Variants in CYFIP1 observed in about 807,000 individuals in gnomAD.
The protein encoded by CYFIP1 is cytoplasmic FMR1 interacting protein 1, also known as cytoplasmic FMR1-interacting protein 1.
CYFIP1 carries 58 observed loss-of-function variants against 163.5 expected under a neutral mutation model. The ratio of observed to expected loss-of-function variants is 0.35; its 90% CI spans 0.29 to 0.44. CYFIP1 has a LOEUF of 0.44. CYFIP1 is among the 20% of genes least tolerant of loss of function. CYFIP1 has a pLI of 1.00. For synonymous variants in CYFIP1, 663 were observed against 660.7 expected (o/e 1.00, Z -0.05); for missense variants, 1,338 against 1,653.8 (o/e 0.81, Z 3.31).
At position 22,872,293 on chromosome 15, in the gene CYFIP1, CAAAA is replaced by C. The variant is rs11327088; in HGVS notation, c.3597+528_3597+531del. ...CTGAGCAACAAGAGCGAAACTGTCT[CAAAA>C]AAAAAAAAAAAAAGAAAGAAAAAAG... On this transcript the variant is annotated intron_variant, in intron 30 of 30. Transcript: ENST00000617928. Among the ~76,000 whole-genome samples the C allele has an allele frequency of 9.4e-3, 1,049 of 111,404 alleles. 8 individuals carry two copies. The highest frequency in any genetic ancestry group is 0.027 in the South Asian group (93 of 3,416). 73.1% of individuals were successfully genotyped at this position (111,404 alleles called of 152,430 possible).
At chr15:22,922,220 A>G (rs2061210216) in intron 13 of CYFIP1, among the ~76,000 whole-genome samples, 1 of 152,136 alleles carries the variant, frequency 6.6e-6, no homozygotes, top group Admixed American at 6.5e-5. Context: ...CAGTCTGATC[A>G]GTCTCTGCTA....
chr15:22,963,377 C>A (rs1235680868), intron 1 of CYFIP1, among the ~76,000 whole-genome samples: 1 of 152,084 alleles, frequency 6.6e-6, no homozygotes, highest in Non-Finnish European at 1.5e-5. Flanking sequence ...GTAGTCCCAG[C>A]TACTCAAGAG....
At chr15:22,893,321 C>T (rs755301794) in intron 22 of CYFIP1, among the ~76,000 whole-genome samples, 4 of 152,036 alleles carry the variant, frequency 2.6e-5, no homozygotes, top group African/African-American at 4.8e-5. Flanking sequence ...GTGACGAGAA[C>T]GGCGACGCCC....
chr15:22,907,342 A>AGTGTTG (rs2060619262), intron 21 of CYFIP1, among the ~76,000 whole-genome samples: 3 of 152,068 alleles, frequency 2.0e-5, no homozygotes, highest in South Asian at 2.1e-4. Context: ...CAGGGGTGCC[A>AGTGTTG]GCGTTGGCAC....
chr15:22,883,918 G>A (rs1432043223), intron 23 of CYFIP1, among the ~76,000 whole-genome samples: 1 of 151,768 alleles, frequency 6.6e-6, no homozygotes, highest in East Asian at 1.9e-4. Flanking sequence ...TAAAGGGGAA[G>A]CAAGCACCTT....
chr15:22,872,304 AAAAAAAG>A (rs1225558137), intron 30 of CYFIP1, among the ~76,000 whole-genome samples: 6 of 151,960 alleles, frequency 3.9e-5, no homozygotes, highest in African/African-American at 1.2e-4. Context: ...AAAAAAAAAA[AAAAAAAG>A]AAAGAAAAAA....
At chr15:22,972,658 A>T (rs1406574910) in intron 1 of CYFIP1, among the ~76,000 whole-genome samples, 1 of 152,214 alleles carries the variant, frequency 6.6e-6, no homozygotes, top group East Asian at 1.9e-4. Flanking sequence ...ACACACATAC[A>T]GAAAAATAAT....
chr15:22,888,830 C>CA (rs2059992190), intron 23 of CYFIP1, among the ~76,000 whole-genome samples: 1 of 151,976 alleles, frequency 6.6e-6, no homozygotes, highest in South Asian at 2.1e-4. Context: ...CATTTGAGGT[C>CA]AGGAGTTCGA....
At position 22,880,139 on chromosome 15, in the gene CYFIP1, C is replaced by T. The variant is rs187272935; in HGVS notation, c.2912-96G>A. 6.3e-4 allele frequency: 955 copies of T among 1,519,534 alleles called. 5 individuals are homozygous for T. The African/African-American group carries it at 0.012, about 18-fold the overall frequency. 94.1% of individuals were successfully genotyped at this position (1,519,534 alleles called of 1,614,324 possible). ...CCAGGAGCACCTGCCGTTCTGACAC[C>T]GCCATCAAGCCTGGCTATAAGGACA... On this transcript the variant is annotated intron_variant, in intron 25 of 30. Transcript: ENST00000617928.
intron 17 of CYFIP1, among the ~76,000 whole-genome samples, chr15:22,913,278 C>T (rs2060843820): frequency 6.6e-6 from 1 of 151,304 alleles, no homozygotes. Context: ...CCTGTAATCC[C>T]AGCACTTTGG....
intron 23 of CYFIP1, among the ~76,000 whole-genome samples, chr15:22,890,482 C>T (rs1210413342): frequency 6.6e-6 from 1 of 152,154 alleles, no homozygotes; most frequent in Non-Finnish European, 1.5e-5. Context: ...CCCCACCCTG[C>T]CCCACAGAGG....
At chr15:22,922,097 G>A (rs1391986922) in intron 13 of CYFIP1, among the ~76,000 whole-genome samples, 2 of 152,118 alleles carry the variant, frequency 1.3e-5, no homozygotes, top group Admixed American at 1.3e-4. Context: ...CCCAAGAAAG[G>A]CCCATCTTCA....
At chr15:22,874,725 AC>A in intron 27 of CYFIP1, 81 bp from the exon 28 acceptor site, 1 of 953,842 alleles carries the variant, frequency 1.0e-6, no homozygotes, top group Non-Finnish European at 1.5e-6. Context: ...TGTTTAAAAA[AC>A]AAAAGATTTT....
At position 22,893,328 on chromosome 15, in the gene CYFIP1, G is replaced by A. The variant is rs554231786; in HGVS notation, c.2589-351C>T. 4.6e-5 allele frequency among the ~76,000 whole-genome samples: 7 copies of A among 152,132 alleles called. No individual in the cohort carries two copies. In the East Asian group the frequency reaches 1.4e-3, roughly 29 times the overall value. On this transcript the variant is annotated intron_variant, in intron 22 of 30. Coordinates refer to ENST00000617928, the MANE Select transcript of CYFIP1 (RefSeq NM_014608.6). Reference sequence around the variant, plus strand: ...AGCTGCCTGTGACGAGAACGGCGACGCCCCGGTGGTTCAGATCACAAGTTA... The same window carrying A: ...AGCTGCCTGTGACGAGAACGGCGACACCCCGGTGGTTCAGATCACAAGTTA...
Position 22,879,898 on chromosome 15 carries a change from T to A in CYFIP1, c.3042+15A>T, listed in dbSNP as rs3751568. The A allele has an allele frequency of 1.5e-4, 245 of 1,603,950 alleles. 1 individual carries two copies. The African/African-American group carries it at 3.0e-3, about 20-fold the overall frequency. ...GGGCTGGGGCGGGGAGGGGCGGCGT[T>A]GGGGGGCCACTCACCAGGCTCTGCT... On this transcript the variant is annotated intron_variant, in intron 26 of 30. Coordinates refer to ENST00000617928, the MANE Select transcript of CYFIP1 (RefSeq NM_014608.6).
intron 12 of CYFIP1, among the ~76,000 whole-genome samples, chr15:22,927,105 G>C (rs2093341603): frequency 6.6e-6 from 1 of 152,064 alleles, no homozygotes; most frequent in Non-Finnish European, 1.5e-5. Flanking sequence ...GGAAGGCCCA[G>C]GCAGGCAGAT....
intron 22 of CYFIP1, among the ~76,000 whole-genome samples, chr15:22,897,004 G>A (rs1034269512): frequency 6.6e-6 from 1 of 152,140 alleles, no homozygotes; most frequent in Non-Finnish European, 1.5e-5. Context: ...CCTGAGGTCA[G>A]GAGTTTGAGA....
Position 22,869,207 on chromosome 15 carries a change from C to G in CYFIP1, c.*821G>C, listed in dbSNP as rs1018027304. On this transcript the variant is annotated 3_prime_UTR_variant, in exon 31 of 31. Coordinates refer to ENST00000617928, the MANE Select transcript of CYFIP1 (RefSeq NM_014608.6). ...TCCTCCAGGTCATGGGCACAGGTAA[C>G]AGAGAGGCACTGAGTAGCCTCTTCA... 2 of 152,290 alleles carry G rather than the reference C, an allele frequency of 1.3e-5. No individual in the cohort carries two copies. The highest frequency in any genetic ancestry group is 3.8e-4 in the East Asian group (2 of 5,196). The allele number at this position is 152,290 out of a possible 1,614,324, so 9.4% of individuals were successfully genotyped here. A position where few individuals can be genotyped will look rare whatever the true frequency, so the allele number is the denominator to read the frequency against.
chr15:22,978,184 T>C (rs1230993082), intron 1 of CYFIP1, among the ~76,000 whole-genome samples: 4 of 151,334 alleles, frequency 2.6e-5, no homozygotes, highest in Non-Finnish European at 5.9e-5. Flanking sequence ...AAACCCCGTC[T>C]CTACTAAAAA....
Sources: gnomAD v4.1 joint callset for allele counts (sites outside exome capture counted in the v4.1 genomes callset) on GRCh38, gnomAD v4.1.1 for gene constraint, MANE v1.5 for transcripts, NCBI Gene and HGNC (gene_info 2026-07-23, HGNC 2026-07-21) for gene names.